The following ASTN2 variants were observed in gnomAD, a reference collection of about 807,000 sequenced individuals.
ASTN2 encodes astrotactin-2.
Under a neutral mutation model 139.8 loss-of-function variants are expected in ASTN2, and 54 were observed. The ratio of observed to expected loss-of-function variants is 0.39; its 90% confidence interval spans 0.31 to 0.48. The LOEUF (loss-of-function observed/expected upper bound fraction) is 0.48, where lower values mean the gene tolerates loss of function less well. ASTN2 is among the 20% of genes least tolerant of loss of function. The pLI is 0.95. For synonymous variants in ASTN2, 756 were observed against 719.5 expected (o/e 1.05, Z -0.81); for missense variants, 1,565 against 1,725.1 (o/e 0.91, Z 1.64).
intron 19 of ASTN2, among the ~76,000 whole-genome samples, chr9:116,609,322 C>CTATATA (rs199622984): frequency 0.03 from 3,217 of 105,594 alleles, 128 homozygotes; most frequent in African/African-American, 0.11. Flanking sequence ...CTCTCTCTCT[C>CTATATA]TCTCTCTATA....
At chr9:117,325,620 G>A (rs1361152069) in intron 1 of ASTN2, among the ~76,000 whole-genome samples, 1 of 152,148 alleles carries the variant, frequency 6.6e-6, no homozygotes, top group Non-Finnish European at 1.5e-5. Flanking sequence ...TCCTCACGGA[G>A]ACTGATAAGG....
chr9:117,314,882 CTATT>C (rs1222771165), intron 1 of ASTN2, among the ~76,000 whole-genome samples: 1 of 144,786 alleles, frequency 6.9e-6, no homozygotes, highest in African/African-American at 2.5e-5. Context: ...ATATGTACAA[CTATT>C]TATATAAATA....
chr9:116,706,139 C>T (rs951677795), intron 16 of ASTN2, among the ~76,000 whole-genome samples: 6 of 152,104 alleles, frequency 3.9e-5, no homozygotes, highest in Admixed American at 3.3e-4. Context: ...ATACCCTCTT[C>T]GGTATTCTAA....
At position 116,698,130 on chromosome 9, in the gene ASTN2, C is replaced by T. The variant is rs111033571; in HGVS notation, c.2806+27641G>A. On this transcript the variant is annotated intron_variant, in intron 16 of 22. Transcript: ENST00000313400. This position sits in a 1 kb window ranked among gnomAD's most constrained non-coding sequence, Gnocchi z 4.4. ...GCCCTGCCGGGAGGCAGACCATCAG[C>T]CTCCTGGCCACTGTACACTCCCTGT... is the stretch of plus-strand genomic sequence containing the variant. 3.1e-6 allele frequency: 5 copies of T among 1,613,984 alleles called. No individual in the cohort carries two copies. Among genetic ancestry groups the T allele is most frequent in the Admixed American group, 1.7e-5 (1 of 60,004 alleles).
chr9:116,576,182 C>A (rs772918873), intron 19 of ASTN2, among the ~76,000 whole-genome samples: 11 of 152,020 alleles, frequency 7.2e-5, no homozygotes, highest in Non-Finnish European at 1.5e-4. Flanking sequence ...CAGCTGTGGA[C>A]AATGAAAAGA....
chr9:116,580,859 G>A (rs1853918938), intron 19 of ASTN2, among the ~76,000 whole-genome samples: 1 of 152,178 alleles, frequency 6.6e-6, no homozygotes, highest in African/African-American at 2.4e-5. Context: ...GAAAAAGAGA[G>A]AAATAATAGA....
chr9:117,364,884 G>T (rs1437760566), intron 1 of ASTN2, among the ~76,000 whole-genome samples: 1 of 151,768 alleles, frequency 6.6e-6, no homozygotes, highest in Non-Finnish European at 1.5e-5. Flanking sequence ...AGGCCAAGGT[G>T]GGTGGATCAC....
At chr9:116,718,678 C>G (rs1297007004) in intron 16 of ASTN2, among the ~76,000 whole-genome samples, 3 of 151,952 alleles carry the variant, frequency 2.0e-5, no homozygotes, top group Non-Finnish European at 2.9e-5. Flanking sequence ...TTGACCCTCC[C>G]ACCTGAATGT....
chr9:116,431,830 G>A (rs762785465), intron 22 of ASTN2, among the ~76,000 whole-genome samples: 4 of 152,170 alleles, frequency 2.6e-5, no homozygotes, highest in Admixed American at 1.3e-4. Flanking sequence ...GATAGGGCGG[G>A]GTTTCAATCC....
chr9:117,059,949 C>T (rs1245639331), intron 5 of ASTN2, among the ~76,000 whole-genome samples: 1 of 152,164 alleles, frequency 6.6e-6, no homozygotes, highest in African/African-American at 2.4e-5. Flanking sequence ...CTCCAGCTGG[C>T]TCACAAGATC....
At chr9:116,658,914 C>G (rs1281804470) in intron 16 of ASTN2, among the ~76,000 whole-genome samples, 2 of 151,884 alleles carry the variant, frequency 1.3e-5, no homozygotes, top group Non-Finnish European at 2.9e-5. Context: ...ATCCTAATTC[C>G]TGATTTGAAA....
intron 7 of ASTN2, among the ~76,000 whole-genome samples, chr9:117,001,377 A>T (rs935084271): frequency 6.6e-6 from 1 of 152,196 alleles, no homozygotes; most frequent in Non-Finnish European, 1.5e-5. Flanking sequence ...GATGGGAAGC[A>T]AAGAGTGGAG....
chr9:116,758,021 C>T (rs1368795302), intron 13 of ASTN2, among the ~76,000 whole-genome samples: 4 of 152,240 alleles, frequency 2.6e-5, no homozygotes, highest in Admixed American at 6.5e-5. Flanking sequence ...AAACTGAATG[C>T]CATTACTAGA....
rs537930735 is a variant in ASTN2 at position 116,531,199 on chromosome 9, G to A, written c.3356-43699C>T. 7.2e-5 allele frequency among the ~76,000 whole-genome samples: 11 copies of A among 152,204 alleles called. No individual in the cohort carries two copies. The South Asian group carries it at 1.9e-3, about 26-fold the overall frequency. On this transcript the variant is annotated intron_variant, in intron 19 of 22. Transcript: ENST00000313400. The stretch of plus-strand genomic sequence containing the variant: ...TATCATCTGTGTTGTGTTTGTCCAT[G>A]TTCTTGTCTTCTGGCCTACTAGGCT...
rs182299994 is a variant in ASTN2, at chr9:117,042,253, G to T, written c.1277-2288C>A. ...AGAACCGTTACAACAGCCCGTTGGG[G>T]TATTGCCTGTATGGAAATCTATTTT... On this transcript the variant is annotated intron_variant, in intron 5 of 22. Coordinates refer to ENST00000313400, the MANE Select transcript of ASTN2 (RefSeq NM_001365068.1). Among the ~76,000 whole-genome samples, 359 of 152,266 alleles carry T rather than the reference G, an allele frequency of 2.4e-3. 3 individuals are homozygous for T. The highest frequency in any genetic ancestry group is 8.1e-3 in the African/African-American group (337 of 41,552).
intron 13 of ASTN2, among the ~76,000 whole-genome samples, chr9:116,804,197 G>T (rs921655986): frequency 6.6e-6 from 1 of 152,126 alleles, no homozygotes; most frequent in Non-Finnish European, 1.5e-5. Flanking sequence ...TCTGTAAAAT[G>T]GGAGTAAGAG....
At chr9:116,909,969 G>C (rs1304379379) in intron 10 of ASTN2, among the ~76,000 whole-genome samples, 2 of 152,136 alleles carry the variant, frequency 1.3e-5, no homozygotes, top group Non-Finnish European at 2.9e-5. Context: ...GGGGAATCAA[G>C]GCAGAAAGAA....
At chr9:116,821,717 C>T (rs1262797583) in intron 11 of ASTN2, among the ~76,000 whole-genome samples, 1 of 152,078 alleles carries the variant, frequency 6.6e-6, no homozygotes, top group East Asian at 1.9e-4. Context: ...ATATGCACAG[C>T]CCTCCCCATA....
chr9:117,285,062 A>C (rs1834414531), intron 2 of ASTN2, among the ~76,000 whole-genome samples: 1 of 152,218 alleles, frequency 6.6e-6, no homozygotes, highest in African/African-American at 2.4e-5. Context: ...AAGATTCTTC[A>C]ATGTCTTGAT....
Sources: allele counts gnomAD v4.1 joint callset (sites outside exome capture counted in the v4.1 genomes callset), GRCh38; gene constraint gnomAD v4.1.1; non-coding constraint Gnocchi (gnomAD v3.1); transcripts MANE v1.5; gene names NCBI Gene and HGNC (gene_info 2026-07-23, HGNC 2026-07-21).